CEP128: variants seen among roughly 807,000 people sequenced by gnomAD.
CEP128 encodes the protein centrosomal protein 128.
A neutral mutation model predicts 156.7 loss-of-function variants in CEP128; 132 were observed. The ratio of observed to expected loss-of-function variants is 0.84; its 90% confidence interval spans 0.73 to 0.97. CEP128 has a LOEUF of 0.97. Ranked by LOEUF, CEP128 falls within the 50% of genes least tolerant of loss-of-function variation. The pLI, the probability that CEP128 is intolerant of heterozygous loss-of-function variation, is 0.00. For missense variants in CEP128, 1,252 were observed against 1,281.9 expected (o/e 0.98, Z 0.36); for synonymous variants, 469 against 448.9 (o/e 1.04, Z -0.57).
chr14:80,940,796 G>A (rs1886108164), intron 1 of CEP128, among the ~76,000 whole-genome samples: 1 of 151,824 alleles, frequency 6.6e-6, no homozygotes, highest in Admixed American at 6.6e-5. Flanking sequence ...TTTTTAATGT[G>A]GGTACTACAA....
At chr14:80,482,133 T>C (rs1315262048) in intron 14 of CEP128, among the ~76,000 whole-genome samples, 2 of 152,194 alleles carry the variant, frequency 1.3e-5, no homozygotes, top group South Asian at 4.1e-4. Context: ...TTAGATTGCA[T>C]TCATTCACTA....
chr14:80,580,430 T>A lies in CEP128; in HGVS notation c.2807-7A>T, dbSNP rs762229650. On this transcript the variant is annotated splice_polypyrimidine_tract_variant and splice_region_variant and intron_variant, in intron 19 of 24. Transcript: ENST00000555265. ...TGGGTCTCTTCCAGTAGATCTGTAA[T>A]AAGAAAGTAAAATACCCATCAAAAT... 1.9e-6 allele frequency: 3 copies of A among 1,574,812 alleles called. No individual in the cohort carries two copies. The highest frequency in any genetic ancestry group is 4.5e-5 in the East Asian group (2 of 44,648).
chr14:80,648,281 T>C (rs1032075053), intron 19 of CEP128, among the ~76,000 whole-genome samples: 1 of 152,058 alleles, frequency 6.6e-6, no homozygotes, highest in African/African-American at 2.4e-5. Context: ...TGATTTGATT[T>C]TCCTCAATTC....
At chr14:80,713,225 A>T (rs1020260194) in intron 19 of CEP128, among the ~76,000 whole-genome samples, 1 of 152,198 alleles carries the variant, frequency 6.6e-6, no homozygotes, top group Non-Finnish European at 1.5e-5. Flanking sequence ...GGTAGTTAAT[A>T]TAAAAGACTC....
chr14:80,742,771 G>A (rs750470897), intron 19 of CEP128: 22 of 303,402 alleles, frequency 7.3e-5, no homozygotes, highest in Admixed American at 5.8e-4. Context: ...GAACTAAGAC[G>A]TATTTTACTG....
intron 8 of CEP128, among the ~76,000 whole-genome samples, chr14:80,874,898 G>A (rs1322208833): frequency 2.0e-5 from 3 of 152,220 alleles, no homozygotes; most frequent in Non-Finnish European, 2.9e-5. Flanking sequence ...GATTACAGGC[G>A]TGAGCCACCG....
At chr14:80,594,744 G>C (rs1892240082) in intron 19 of CEP128, among the ~76,000 whole-genome samples, 1 of 152,210 alleles carries the variant, frequency 6.6e-6, no homozygotes, top group Non-Finnish European at 1.5e-5. Flanking sequence ...CTGGTCATTA[G>C]AGAAATGCAA....
chr14:80,675,577 A>G (rs1386990825), intron 19 of CEP128, among the ~76,000 whole-genome samples: 1 of 152,032 alleles, frequency 6.6e-6, no homozygotes, highest in Non-Finnish European at 1.5e-5. Context: ...AAATGTCTTT[A>G]GCTCATTTTT....
chr14:80,775,985 C>A (rs1360656402), intron 16 of CEP128, among the ~76,000 whole-genome samples: 1 of 152,172 alleles, frequency 6.6e-6, no homozygotes, highest in Non-Finnish European at 1.5e-5. Context: ...AGGTGCTCGC[C>A]ACCACACCCG....
chr14:80,812,655 A>G (rs1435049889), intron 13 of CEP128, among the ~76,000 whole-genome samples: 9 of 152,044 alleles, frequency 5.9e-5, no homozygotes, highest in Non-Finnish European at 1.2e-4. Flanking sequence ...TGCAACCTCC[A>G]TCTCCTGGGT....
intron 22 of CEP128, among the ~76,000 whole-genome samples, chr14:80,528,087 G>A (rs1415856613): frequency 6.6e-6 from 1 of 151,814 alleles, no homozygotes; most frequent in African/African-American, 2.4e-5. Context: ...AAGCTAGAAG[G>A]GGTATTATAA....
chr14:80,671,616 T>C (rs1005767134), intron 19 of CEP128, among the ~76,000 whole-genome samples: 1 of 152,134 alleles, frequency 6.6e-6, no homozygotes, highest in African/African-American at 2.4e-5. Flanking sequence ...CCATGGGGAA[T>C]GAACAGAAAT....
chr14:80,700,523 AC>A (rs373558907), intron 19 of CEP128, among the ~76,000 whole-genome samples: 3,104 of 150,608 alleles, frequency 0.021, 100 homozygotes, highest in African/African-American at 0.072. Flanking sequence ...TTATTCATTG[AC>A]CCCCCCCAAA....
In CEP128 at chr14:80,851,649, T is replaced by C. The variant is rs1174906510; in HGVS notation, c.763-10881A>G. ...GGGAAAAAGAAACAAAAAGAGAAGT[T>C]AAAAAAAAATAAATAAGATAAAAAC... On this transcript the variant is annotated intron_variant, in intron 9 of 24. Coordinates refer to ENST00000555265, the MANE Select transcript of CEP128 (RefSeq NM_152446.5). 3.3e-5 allele frequency among the ~76,000 whole-genome samples: 5 copies of C among 150,148 alleles called. 1 individual carries two copies. In the South Asian group the frequency reaches 6.3e-4, roughly 19 times the overall value.
intron 21 of CEP128, among the ~76,000 whole-genome samples, chr14:80,550,876 T>C (rs1438969409): frequency 6.6e-6 from 1 of 151,844 alleles, no homozygotes; most frequent in Non-Finnish European, 1.5e-5. Context: ...TGAATATAGT[T>C]TCCTCTTCTC....
intron 4 of CEP128, among the ~76,000 whole-genome samples, chr14:80,909,105 A>C (rs1566709221): frequency 8.4e-6 from 1 of 119,660 alleles, no homozygotes; most frequent in African/African-American, 2.9e-5. Flanking sequence ...AGAAAGTCCC[A>C]AATATAAGAC....
intron 19 of CEP128, among the ~76,000 whole-genome samples, chr14:80,645,736 T>A (rs1452720772): frequency 1.3e-5 from 2 of 152,146 alleles, no homozygotes; most frequent in African/African-American, 2.4e-5. Flanking sequence ...CCAAATGAAC[T>A]GAACATTTAT....
At chr14:80,686,658 T>C (rs1896534226) in intron 19 of CEP128, among the ~76,000 whole-genome samples, 1 of 152,064 alleles carries the variant, frequency 6.6e-6, no homozygotes, top group Admixed American at 6.6e-5. Context: ...TAAGACCCAT[T>C]GGTGTGCTCT....
rs757361554 is a variant in CEP128 at position 80,862,873 on chromosome 14, C to G, written c.646G>C (p.Val216Leu). The change falls in exon 9 of 25, where the codon GTT becomes CTT. Residue 216 changes from valine (V) to leucine (L), a missense_variant and splice_region_variant. Coordinates refer to ENST00000555265, the MANE Select transcript of CEP128 (RefSeq NM_152446.5). Reference sequence around the variant, plus strand: ...AGCCGCCGCTCCACCCGATCTGAAACCTTAATAAGAATTCAGAGAAACAGC... The same window carrying G: ...AGCCGCCGCTCCACCCGATCTGAAAGCTTAATAAGAATTCAGAGAAACAGC... ...KLNEAQKQEV[V>L]SDRVERRLQE... 3.7e-6 allele frequency: 6 copies of G among 1,606,536 alleles called. No homozygotes were observed. The highest frequency in any genetic ancestry group is 5.1e-6 in the Non-Finnish European group (6 of 1,173,270).
Sources: allele counts gnomAD v4.1 joint callset (sites outside exome capture counted in the v4.1 genomes callset), GRCh38; gene constraint gnomAD v4.1.1; transcripts MANE v1.5; gene names NCBI Gene and HGNC (gene_info 2026-07-23, HGNC 2026-07-21).